The following SF3B1 variants were observed in gnomAD, a reference collection of about 807,000 sequenced individuals.
SF3B1 encodes splicing factor 3b subunit 1, also known as pre-mRNA processing 10.
SF3B1 carries 12 observed loss-of-function variants against 153.8 expected under a neutral mutation model. The ratio of observed to expected loss-of-function variants is 0.08; its 90% CI spans 0.05 to 0.13. SF3B1 has a LOEUF of 0.13. SF3B1 is among the 10% of genes least tolerant of loss of function. The probability of loss-of-function intolerance (pLI) is 1.00; values close to 1 mark genes in which losing one functional copy is unlikely to be tolerated. For missense variants in SF3B1, 513 were observed against 1,606.1 expected (o/e 0.32, Z 11.63); for synonymous variants, 498 against 525.2 (o/e 0.95, Z 0.71).
Position 197,392,276 on chromosome 2 carries a change from G to T in SF3B1, c.*27C>A. ...CAAGTTTAAGGTGTGAAGTAGCTGT[G>T]CATTAAACACAAAATAAACAATAAA... is the stretch of plus-strand genomic sequence containing the variant. On this transcript the variant is annotated 3_prime_UTR_variant, in exon 25 of 25. Coordinates refer to ENST00000335508, the MANE Select transcript of SF3B1 (RefSeq NM_012433.4). 1 of 909,848 alleles carries T rather than the reference G, an allele frequency of 1.1e-6. No homozygotes were observed. The highest frequency in any genetic ancestry group is 1.8e-6 in the Non-Finnish European group (1 of 554,014). The allele number at this position is 909,848 out of a possible 1,614,324, so 56.4% of individuals were successfully genotyped here.
rs2105984979 is a variant in SF3B1, at chr2:197,401,974, G to C, written c.2223+11C>G. Reference sequence around the variant, plus strand: ...AATGAAGATAAATCAAAAGGTAATTGGTGGATTTACCTTTCCTCTGTGTTG... The same window carrying C: ...AATGAAGATAAATCAAAAGGTAATTCGTGGATTTACCTTTCCTCTGTGTTG... On this transcript the variant is annotated intron_variant, in intron 15 of 24. Transcript: ENST00000335508. This position sits in a 1 kb window ranked among gnomAD's most constrained non-coding sequence, Gnocchi z 4.2. 6.2e-7 allele frequency: 1 copy of C among 1,607,954 alleles called. No homozygotes were observed. Among genetic ancestry groups the C allele is most frequent in the Admixed American group, 1.7e-5 (1 of 58,364 alleles).
chr2:197,401,915 C>T lies in SF3B1; in HGVS notation c.2224-27G>A, dbSNP rs527792099. ...TATTTTTAAATAAAAAATATATGTA[C>T]TTTAGTAATTTAGATTTATGTCGCC... On this transcript the variant is annotated intron_variant, in intron 15 of 24. Transcript: ENST00000335508. This position sits in a 1 kb window ranked among gnomAD's most constrained non-coding sequence, Gnocchi z 4.2. 1.8e-5 allele frequency: 28 copies of T among 1,588,068 alleles called. No homozygotes were observed. The South Asian group carries it at 3.3e-4, about 18-fold the overall frequency.
upstream of SF3B1, chr2:197,435,053 TCGCCGC>T: frequency 6.2e-7 from 1 of 1,613,802 alleles, no homozygotes; most frequent in Non-Finnish European, 8.5e-7. Flanking sequence ...CTTCCGCTCG[TCGCCGC>T]CGCCACGGAG....
chr2:197,410,222 T>C (rs2085048026), intron 6 of SF3B1, among the ~76,000 whole-genome samples: 1 of 152,174 alleles, frequency 6.6e-6, no homozygotes, highest in South Asian at 2.1e-4. Context: ...TCCGAAGCAC[T>C]GACAAAAGTC....
intron 3 of SF3B1, 24 bp downstream of exon 3, chr2:197,421,005 T>C: frequency 6.9e-7 from 1 of 1,445,656 alleles, no homozygotes; most frequent in Non-Finnish European, 9.6e-7. Context: ...CTGAATAAAC[T>C]ATGCTTTTAA....
chr2:197,392,277 C>T lies in SF3B1; in HGVS notation c.*26G>A. 1.1e-6 allele frequency: 1 copy of T among 915,004 alleles called. No homozygotes were observed. The highest frequency in any genetic ancestry group is 1.4e-5 in the South Asian group (1 of 70,746). The allele number at this position is 915,004 out of a possible 1,614,324, so 56.7% of individuals were successfully genotyped here. ...AAGTTTAAGGTGTGAAGTAGCTGTG[C>T]ATTAAACACAAAATAAACAATAAAA... On this transcript the variant is annotated 3_prime_UTR_variant, in exon 25 of 25. Coordinates refer to ENST00000335508, the MANE Select transcript of SF3B1 (RefSeq NM_012433.4).
At chr2:197,398,421 AT>A in intron 21 of SF3B1, 39 bp downstream of exon 21, 1 of 1,608,562 alleles carries the variant, frequency 6.2e-7, no homozygotes. Flanking sequence ...AAATTTGAAA[AT>A]TGATACTGCT....
chr2:197,403,881 C>T (rs2084960682), intron 11 of SF3B1, 117 bp from the exon 12 acceptor site: 1 of 700,764 alleles, frequency 1.4e-6, no homozygotes, highest in Non-Finnish European at 2.3e-6. Flanking sequence ...CTTTTACACA[C>T]ATTTTACATA....
intron 5 of SF3B1, among the ~76,000 whole-genome samples, chr2:197,418,234 CAAAAAAAAAAAAAAAAAAA>C (rs59644092): frequency 8.2e-5 from 3 of 36,396 alleles, no homozygotes; most frequent in South Asian, 1.6e-3. Flanking sequence ...AGACTGTGTC[CAAAAAAAAAAAAAAAAAAA>C]AAAAAAAAAA....
At chr2:197,414,352 C>A (rs2085116608) in intron 6 of SF3B1, among the ~76,000 whole-genome samples, 1 of 152,044 alleles carries the variant, frequency 6.6e-6, no homozygotes, top group South Asian at 2.1e-4. Context: ...GAATGAGATC[C>A]TAGGGATTGA....
At chr2:197,415,589 G>C (rs1009210278) in intron 6 of SF3B1, among the ~76,000 whole-genome samples, 1 of 152,084 alleles carries the variant, frequency 6.6e-6, no homozygotes, top group African/African-American at 2.4e-5. Flanking sequence ...ATATTTTCAA[G>C]TGCTTTCTAA....
rs943214832 is a variant in SF3B1 at position 197,402,282 on chromosome 2, G to A, written c.2078-152C>T. On this transcript the variant is annotated intron_variant, in intron 14 of 24. Coordinates refer to ENST00000335508, the MANE Select transcript of SF3B1 (RefSeq NM_012433.4). The surrounding 1 kb of genome is among the most constrained non-coding windows in gnomAD (Gnocchi z 4.6). ...AGGTAAAAGCAAAACATGAACCATA[G>A]CCTGTCAGCAGATAATATAACAAAC... The A allele has an allele frequency of 5.3e-5, 44 of 832,266 alleles. 1 individual carries two copies. Among genetic ancestry groups the A allele is most frequent in the Non-Finnish European group, 7.7e-5 (42 of 543,582 alleles). 51.6% of individuals were successfully genotyped at this position (832,266 alleles called of 1,614,324 possible).
Position 197,401,721 on chromosome 2 carries a change from T to C in SF3B1, c.2370+21A>G, listed in dbSNP as rs761652059. The C allele has an allele frequency of 7.5e-6, 12 of 1,599,026 alleles. No homozygotes were observed. In the South Asian group the frequency reaches 1.4e-4, roughly 18 times the overall value. On this transcript the variant is annotated intron_variant, in intron 16 of 24. Transcript: ENST00000335508. This position sits in a 1 kb window ranked among gnomAD's most constrained non-coding sequence, Gnocchi z 4.2. The stretch of plus-strand genomic sequence containing the variant: ...ACCATGAAACATATCCAGTTTACAT[T>C]AACAAATCTGGAATAATTACCTTCA...
chr2:197,418,110 C>T (rs2085179984), intron 5 of SF3B1, among the ~76,000 whole-genome samples: 3 of 151,792 alleles, frequency 2.0e-5, no homozygotes, highest in African/African-American at 4.8e-5. Context: ...GTGACACACA[C>T]TTGTGTTCCC....
chr2:197,423,123 A>C (rs1263498347), intron 2 of SF3B1, among the ~76,000 whole-genome samples: 2 of 152,200 alleles, frequency 1.3e-5, no homozygotes, highest in Non-Finnish European at 2.9e-5. Flanking sequence ...GCAGTGGCTC[A>C]AGCCTGTAAT....
intron 6 of SF3B1, among the ~76,000 whole-genome samples, chr2:197,416,120 C>T (rs1389182732): frequency 1.3e-5 from 2 of 150,074 alleles, no homozygotes; most frequent in Non-Finnish European, 3.0e-5. Context: ...ATTCAGCCTC[C>T]AAAACAAATG....
In SF3B1 at chr2:197,431,794, T is replaced by C. The variant is rs527741310; in HGVS notation, c.28+3178A>G. On this transcript the variant is annotated intron_variant, in intron 1 of 24. Transcript: ENST00000335508. Reference sequence around the variant, plus strand: ...TCATTTTACTGAACACTACAAACAATACTGATAAATTGATTCCTAAATGAT... The same window carrying C: ...TCATTTTACTGAACACTACAAACAACACTGATAAATTGATTCCTAAATGAT... 6.2e-4 allele frequency among the ~76,000 whole-genome samples: 94 copies of C among 152,068 alleles called. No individual in the cohort carries two copies. In the Middle Eastern group the frequency reaches 0.017, roughly 28 times the overall value.
chr2:197,400,030 C>T lies in SF3B1; in HGVS notation c.3013+25G>A, dbSNP rs2105981326. The stretch of plus-strand genomic sequence containing the variant: ...AAAGAAAGTTAAAACAAGAAAAAGT[C>T]TTATGTAACCAGCAAATTCCATACC... On this transcript the variant is annotated intron_variant, in intron 20 of 24. Transcript: ENST00000335508. This position sits in a 1 kb window ranked among gnomAD's most constrained non-coding sequence, Gnocchi z 5.0. 7.1e-7 allele frequency: 1 copy of T among 1,406,050 alleles called. No individual in the cohort carries two copies. The highest frequency in any genetic ancestry group is 9.9e-7 in the Non-Finnish European group (1 of 1,007,986). The allele number at this position is 1,406,050 out of a possible 1,614,324, so 87.1% of individuals were successfully genotyped here.
At chr2:197,393,377 A>G (rs2084836229) in intron 23 of SF3B1, 189 bp from the exon 24 acceptor site, 1 of 576,636 alleles carries the variant, frequency 1.7e-6, no homozygotes, top group Admixed American at 3.3e-5. Flanking sequence ...CCTTTAGAAT[A>G]GCTTCCACTT....
Sources: gnomAD v4.1 joint callset for allele counts (sites outside exome capture counted in the v4.1 genomes callset) on GRCh38, gnomAD v4.1.1 for gene constraint, Gnocchi (gnomAD v3.1) non-coding constraint, MANE v1.5 for transcripts, NCBI Gene and HGNC (gene_info 2026-07-23, HGNC 2026-07-21) for gene names.